STK10: variants seen among roughly 807,000 people sequenced by gnomAD.
The protein encoded by STK10 is serine/threonine-protein kinase 10.
In STK10, 78 loss-of-function variants were observed where a neutral mutation model predicts 113.8. The ratio of observed to expected loss-of-function variants is 0.69; its 90% confidence interval spans 0.57 to 0.83. STK10 has a LOEUF of 0.83. Ranked by LOEUF, STK10 falls within the 40% of genes least tolerant of loss-of-function variation. The pLI is 0.00. For synonymous variants in STK10, 465 were observed against 494.7 expected (o/e 0.94, Z 0.80); for missense variants, 1,109 against 1,280.1 (o/e 0.87, Z 2.04).
intron 4 of STK10, among the ~76,000 whole-genome samples, chr5:172,109,826 G>A (rs888120894): frequency 7.2e-5 from 11 of 152,170 alleles, no homozygotes; most frequent in African/African-American, 2.7e-4. Flanking sequence ...ATTTATGAGG[G>A]GTGTCCCCTG....
intron 2 of STK10, among the ~76,000 whole-genome samples, chr5:172,148,271 A>G (rs1770127251): frequency 6.6e-6 from 1 of 152,122 alleles, no homozygotes; most frequent in Non-Finnish European, 1.5e-5. Flanking sequence ...TCTGTGCATG[A>G]TCAACTGAAG....
chr5:172,155,400 A>T (rs1007952280), intron 2 of STK10, among the ~76,000 whole-genome samples: 1 of 151,850 alleles, frequency 6.6e-6, no homozygotes, highest in Non-Finnish European at 1.5e-5. Context: ...TAGGAGGCTG[A>T]GGCAGGAGAA....
intron 18 of STK10, among the ~76,000 whole-genome samples, chr5:172,049,996 T>A (rs1490735889): frequency 1.3e-5 from 2 of 152,146 alleles, no homozygotes; most frequent in Non-Finnish European, 2.9e-5. Context: ...AGAGACTGGG[T>A]TTCGCCATGT....
chr5:172,181,741 G>A (rs1016792948), intron 1 of STK10, among the ~76,000 whole-genome samples: 1 of 151,528 alleles, frequency 6.6e-6, no homozygotes, highest in South Asian at 2.1e-4. Flanking sequence ...ACCTCGGGAG[G>A]TGGAGGTTGC....
At chr5:172,083,594 T>C (rs1343363623) in intron 10 of STK10, among the ~76,000 whole-genome samples, 1 of 152,198 alleles carries the variant, frequency 6.6e-6, no homozygotes, top group African/African-American at 2.4e-5. Context: ...GAAATATTTA[T>C]AGATGCACAA....
rs112334094 is a variant in STK10, at chr5:172,082,057, C to T, written c.1989+269G>A. On this transcript the variant is annotated intron_variant, in intron 12 of 18. Transcript: ENST00000176763. This position sits in a 1 kb window ranked among gnomAD's most constrained non-coding sequence, Gnocchi z 4.3. Reference sequence around the variant, plus strand: ...CCCCGCTCTTTCTCGGCAGGGGTTGCTAAGCTGGGAGGATGTAAAGGAAGC... The same window carrying T: ...CCCCGCTCTTTCTCGGCAGGGGTTGTTAAGCTGGGAGGATGTAAAGGAAGC... Among the ~76,000 whole-genome samples, 9 of 152,196 alleles carry T rather than the reference C, an allele frequency of 5.9e-5. No individual in the cohort carries two copies. Among genetic ancestry groups the T allele is most frequent in the African/African-American group, 2.2e-4 (9 of 41,546 alleles).
intron 2 of STK10, among the ~76,000 whole-genome samples, chr5:172,136,841 T>A (rs1052354535): frequency 6.7e-5 from 10 of 149,550 alleles, no homozygotes; most frequent in Admixed American, 2.0e-4. Context: ...TTTTTTTTTT[T>A]ATACTTTAAG....
chr5:172,180,590 A>G (rs897844950), intron 1 of STK10, among the ~76,000 whole-genome samples: 2 of 152,086 alleles, frequency 1.3e-5, no homozygotes, highest in Admixed American at 1.3e-4. Context: ...CAGGAGTTCA[A>G]GACCAGCCTG....
chr5:172,106,414 AAAAAG>A (rs1444100871), intron 6 of STK10, among the ~76,000 whole-genome samples: 11 of 145,352 alleles, frequency 7.6e-5, no homozygotes, highest in Non-Finnish European at 4.5e-5. Flanking sequence ...AAAAAAAAAA[AAAAAG>A]GAACACAAAG....
intron 1 of STK10, among the ~76,000 whole-genome samples, chr5:172,177,917 T>C (rs1770784928): frequency 6.6e-6 from 1 of 152,156 alleles, no homozygotes; most frequent in Non-Finnish European, 1.5e-5. Flanking sequence ...AACCTCTGCC[T>C]CCCAGGTTTC....
chr5:172,084,934 TA>T (rs1768517509), intron 10 of STK10, among the ~76,000 whole-genome samples: 1 of 152,108 alleles, frequency 6.6e-6, no homozygotes, highest in African/African-American at 2.4e-5. Flanking sequence ...TATTATCTGC[TA>T]AAAAATATAT....
At chr5:172,182,679 G>A (rs1349035135) in intron 1 of STK10, among the ~76,000 whole-genome samples, 1 of 150,594 alleles carries the variant, frequency 6.6e-6, no homozygotes, top group Non-Finnish European at 1.5e-5. Context: ...TCAGCCTCCA[G>A]AGCAGCTGGG....
intron 10 of STK10, among the ~76,000 whole-genome samples, chr5:172,088,110 T>C (rs1446060776): frequency 2.6e-5 from 4 of 151,714 alleles, no homozygotes; most frequent in Non-Finnish European, 4.4e-5. Context: ...GTAGAGACAC[T>C]AGGTTGCCCA....
At chr5:172,111,696 G>A (rs951003593) in intron 4 of STK10, among the ~76,000 whole-genome samples, 6 of 152,192 alleles carry the variant, frequency 3.9e-5, no homozygotes, top group African/African-American at 7.2e-5. Context: ...CAAGGGCGGC[G>A]GAGATAAGGG....
chr5:172,086,572 C>G (rs1340928267), intron 10 of STK10, among the ~76,000 whole-genome samples: 1 of 152,166 alleles, frequency 6.6e-6, no homozygotes, highest in African/African-American at 2.4e-5. Flanking sequence ...AGGAACTCTG[C>G]CCGGAAGCCT....
chr5:172,188,108 CGAG>C lies in STK10; in HGVS notation c.-69_-67del, dbSNP rs968837110. 2.8e-5 allele frequency: 43 copies of C among 1,563,526 alleles called. No homozygotes were observed. The African/African-American group carries it at 3.9e-4, about 14-fold the overall frequency. On this transcript the variant is annotated 5_prime_UTR_variant, in exon 1 of 19. Coordinates refer to ENST00000176763, the MANE Select transcript of STK10 (RefSeq NM_005990.4). This position sits in a 1 kb window ranked among gnomAD's most constrained non-coding sequence, Gnocchi z 5.6. ...GCTCGGGCTGTGGCTTCGGCGGCCGCGAGGAGAAGGAGGAGGAGTTGGAGGACG... is the reference window on the plus strand; with the variant it reads ...GCTCGGGCTGTGGCTTCGGCGGCCGCGAGAAGGAGGAGGAGTTGGAGGACG...
intron 1 of STK10, among the ~76,000 whole-genome samples, chr5:172,181,788 G>A (rs947804127): frequency 5.9e-5 from 9 of 151,912 alleles, no homozygotes; most frequent in Non-Finnish European, 1.0e-4. Context: ...TCCAGCCTGG[G>A]TGACAGAGCA....
chr5:172,168,263 G>A (rs755021976), intron 1 of STK10, among the ~76,000 whole-genome samples: 11 of 152,228 alleles, frequency 7.2e-5, no homozygotes, highest in African/African-American at 9.6e-5. Context: ...TCTTTGCATG[G>A]TGATGAAGGC....
chr5:172,071,448 T>G (rs1768180696), intron 12 of STK10, among the ~76,000 whole-genome samples: 1 of 151,648 alleles, frequency 6.6e-6, no homozygotes, highest in African/African-American at 2.4e-5. Context: ...ATTGAGCTCA[T>G]TCAAGCACAG....
Sources: allele counts gnomAD v4.1 joint callset (sites outside exome capture counted in the v4.1 genomes callset), GRCh38; gene constraint gnomAD v4.1.1; non-coding constraint Gnocchi (gnomAD v3.1); transcripts MANE v1.5; gene names NCBI Gene and HGNC (gene_info 2026-07-23, HGNC 2026-07-21).